MBNL2: variants seen among roughly 807,000 people sequenced by gnomAD.
MBNL2 encodes muscleblind-like protein 2.
A neutral mutation model predicts 41.9 loss-of-function variants in MBNL2; 17 were observed. The ratio of observed to expected loss-of-function variants is 0.41; its 90% CI spans 0.28 to 0.61. The LOEUF (loss-of-function observed/expected upper bound fraction) is 0.61. MBNL2 is among the 20% of genes least tolerant of loss of function. The pLI is 0.35. For synonymous variants in MBNL2, 195 were observed against 182.9 expected (o/e 1.07, Z -0.53); for missense variants, 336 against 505.6 (o/e 0.66, Z 3.22).
intron 2 of MBNL2, among the ~76,000 whole-genome samples, chr13:97,324,962 G>A (rs2059798158): frequency 6.6e-6 from 1 of 152,102 alleles, no homozygotes; most frequent in African/African-American, 2.4e-5. Context: ...CAGATTGAGG[G>A]TGGGTCTGCC....
chr13:97,238,141 G>A (rs2043635188), intron 1 of MBNL2, among the ~76,000 whole-genome samples: 1 of 152,220 alleles, frequency 6.6e-6, no homozygotes, highest in African/African-American at 2.4e-5. Flanking sequence ...TGAGAAGTAT[G>A]GGTCTAGGCT....
chr13:97,300,174 C>T (rs1348971471), intron 2 of MBNL2, among the ~76,000 whole-genome samples: 1 of 152,190 alleles, frequency 6.6e-6, no homozygotes, highest in Admixed American at 6.5e-5. Context: ...ATCACTTCCA[C>T]TCACAACCTA....
At chr13:97,269,093 C>T (rs758592755) in intron 1 of MBNL2, among the ~76,000 whole-genome samples, 3 of 152,090 alleles carry the variant, frequency 2.0e-5, no homozygotes, top group Non-Finnish European at 4.4e-5. Context: ...AAGGAGAGGG[C>T]CTGCCAGAGA....
the MBNL2 span, among the ~76,000 whole-genome samples, chr13:97,188,955 C>T: frequency 6.6e-6 from 1 of 152,192 alleles, no homozygotes; most frequent in Non-Finnish European, 1.5e-5. Context: ...CTCTGGGACC[C>T]TTCTATTCCC....
chr13:97,353,994 A>C (rs2062749933), intron 5 of MBNL2, among the ~76,000 whole-genome samples: 1 of 149,584 alleles, frequency 6.7e-6, no homozygotes, highest in Admixed American at 6.7e-5. Flanking sequence ...TGATGTAGGC[A>C]CTTGGTTCGA....
chr13:97,302,119 C>T (rs774759975), intron 2 of MBNL2, among the ~76,000 whole-genome samples: 3 of 152,160 alleles, frequency 2.0e-5, no homozygotes, highest in Admixed American at 6.5e-5. Context: ...GCTTCTGCCC[C>T]GTGAAGGCCC....
chr13:97,326,979 G>A (rs932223289), intron 2 of MBNL2, among the ~76,000 whole-genome samples: 1 of 152,046 alleles, frequency 6.6e-6, no homozygotes, highest in African/African-American at 2.4e-5. Flanking sequence ...AATAAGAATC[G>A]GCTCACCCAC....
chr13:97,324,217 G>T (rs915870810), intron 2 of MBNL2, among the ~76,000 whole-genome samples: 1 of 152,050 alleles, frequency 6.6e-6, no homozygotes, highest in Non-Finnish European at 1.5e-5. Flanking sequence ...CATTCACACC[G>T]CCTATCATGG....
chr13:97,196,769 C>T, the MBNL2 span, among the ~76,000 whole-genome samples: 1 of 152,150 alleles, frequency 6.6e-6, no homozygotes, highest in African/African-American at 2.4e-5. Context: ...CAGAACATTT[C>T]CACAATTCTC....
At chr13:97,288,982 A>T (rs2055241000) in intron 2 of MBNL2, among the ~76,000 whole-genome samples, 1 of 152,220 alleles carries the variant, frequency 6.6e-6, no homozygotes, top group East Asian at 1.9e-4. Flanking sequence ...GTAGAACATG[A>T]TATATTGCCA....
chr13:97,218,874 C>T (rs1466032536), upstream of MBNL2, among the ~76,000 whole-genome samples: 1 of 151,316 alleles, frequency 6.6e-6, no homozygotes, highest in East Asian at 1.9e-4. Context: ...GCGCCTCCAC[C>T]GTGTGCCACG....
At chr13:97,189,640 GT>G in the MBNL2 span, among the ~76,000 whole-genome samples, 1 of 152,102 alleles carries the variant, frequency 6.6e-6, no homozygotes, top group African/African-American at 2.4e-5. Context: ...ATGTATGTGT[GT>G]CCATTTGCAT....
the MBNL2 span, among the ~76,000 whole-genome samples, chr13:97,168,046 A>G: frequency 6.6e-6 from 1 of 152,138 alleles, no homozygotes; most frequent in African/African-American, 2.4e-5. Flanking sequence ...ACTCACTGCA[A>G]CCTCTGCCTC....
chr13:97,262,917 C>T (rs779982236), intron 1 of MBNL2, among the ~76,000 whole-genome samples: 1 of 152,160 alleles, frequency 6.6e-6, no homozygotes, highest in Non-Finnish European at 1.5e-5. Context: ...GCATGCATCA[C>T]CACGCCAAGC....
chr13:97,232,888 T>TGTGTGTGTGC (rs1445127203), intron 1 of MBNL2, among the ~76,000 whole-genome samples: 1 of 146,300 alleles, frequency 6.8e-6, no homozygotes, highest in Admixed American at 6.8e-5. Context: ...TGTGTGTGTG[T>TGTGTGTGTGC]GTGCGCACGT....
At chr13:97,228,287 C>T (rs1321602667) in intron 1 of MBNL2, among the ~76,000 whole-genome samples, 1 of 151,934 alleles carries the variant, frequency 6.6e-6, no homozygotes, top group Non-Finnish European at 1.5e-5. Flanking sequence ...GCCCATAAGA[C>T]CCCCAAGCTG....
At chr13:97,153,070 A>T in the MBNL2 span, among the ~76,000 whole-genome samples, 1 of 152,202 alleles carries the variant, frequency 6.6e-6, no homozygotes, top group Non-Finnish European at 1.5e-5. Flanking sequence ...ACAATTAGCA[A>T]TTGGCACATA....
the MBNL2 span, among the ~76,000 whole-genome samples, chr13:97,203,873 AATGGATGGATGGATGG>A: frequency 2.0e-4 from 30 of 149,584 alleles, no homozygotes; most frequent in Admixed American, 4.0e-4. Flanking sequence ...ATGATAAGTG[AATGGATGGATGGATGG>A]ATGGATGGAT....
At chr13:97,240,142 C>T (rs1461346532) in intron 1 of MBNL2, among the ~76,000 whole-genome samples, 1 of 152,190 alleles carries the variant, frequency 6.6e-6, no homozygotes, top group Non-Finnish European at 1.5e-5. Context: ...ATGATTCTGA[C>T]TCGGGGAGTC....
Sources: gnomAD v4.1 joint callset for allele counts (sites outside exome capture counted in the v4.1 genomes callset) on GRCh38, gnomAD v4.1.1 for gene constraint, MANE v1.5 for transcripts, NCBI Gene and HGNC (gene_info 2026-07-23, HGNC 2026-07-21) for gene names.